The following FMN2 variants were observed in gnomAD, a reference collection of about 807,000 sequenced individuals.
FMN2 encodes the protein formin-2.
Under a neutral mutation model 142.3 loss-of-function variants are expected in FMN2, and 51 were observed. The ratio of observed to expected loss-of-function variants is 0.36; its 90% CI spans 0.29 to 0.45. FMN2 has a LOEUF of 0.45. Among genes scored for constraint, FMN2 ranks in the 20% least tolerant of loss-of-function variants. The probability of loss-of-function intolerance (pLI) is 1.00; values close to 1 mark genes in which losing one functional copy is unlikely to be tolerated. For missense variants in FMN2, 1,936 were observed against 2,122.8 expected (o/e 0.91, Z 1.73); for synonymous variants, 882 against 869.8 (o/e 1.01, Z -0.25).
chr1:240,427,298 T>C (rs570916494), intron 15 of FMN2, among the ~76,000 whole-genome samples: 15 of 151,800 alleles, frequency 9.9e-5, no homozygotes, highest in East Asian at 2.0e-4. Context: ...CTCCGCCTCC[T>C]GGGTTCACGC....
chr1:240,459,207 C>T (rs1204286022), intron 16 of FMN2: 1 of 152,088 alleles, frequency 6.6e-6, no homozygotes, highest in East Asian at 1.9e-4. Context: ...TATTAAACTC[C>T]TTGTGGAAGA....
intron 16 of FMN2, among the ~76,000 whole-genome samples, chr1:240,470,046 A>C (rs1676756970): frequency 6.6e-6 from 1 of 152,200 alleles, no homozygotes; most frequent in South Asian, 2.1e-4. Flanking sequence ...TGATCCTTAC[A>C]AAAATGTGTT....
chr1:240,252,368 A>T (rs888983586), intron 6 of FMN2, among the ~76,000 whole-genome samples: 4 of 151,886 alleles, frequency 2.6e-5, no homozygotes, highest in Non-Finnish European at 4.4e-5. Context: ...ATACTTTTGC[A>T]TGCTTTCATG....
At chr1:240,421,393 A>G (rs12127799) in intron 15 of FMN2, among the ~76,000 whole-genome samples, 84,017 of 152,006 alleles carry the variant, frequency 0.55, 24,731 homozygotes, top group Middle Eastern at 0.66. Context: ...ACACGTTCAA[A>G]TTACCTAATT....
At chr1:240,357,950 CT>C (rs33954136) in intron 14 of FMN2, among the ~76,000 whole-genome samples, 76,138 of 151,624 alleles carry the variant, frequency 0.5, 20,204 homozygotes, top group African/African-American at 0.68. Context: ...CAGATATTAA[CT>C]TTTTTTTTAA....
chr1:240,114,879 A>T (rs951024016), intron 1 of FMN2, among the ~76,000 whole-genome samples: 2 of 152,000 alleles, frequency 1.3e-5, no homozygotes, highest in African/African-American at 4.8e-5. Flanking sequence ...GATGGTCTCG[A>T]TCTCTTGACC....
At chr1:240,361,706 T>A (rs1436164405) in intron 14 of FMN2, among the ~76,000 whole-genome samples, 2 of 152,210 alleles carry the variant, frequency 1.3e-5, no homozygotes, top group Non-Finnish European at 2.9e-5. Context: ...CAAGTGGGCA[T>A]GCCCAGTGGA....
chr1:240,157,794 A>T (rs11807389), intron 2 of FMN2, among the ~76,000 whole-genome samples: 6,766 of 152,034 alleles, frequency 0.045, 503 homozygotes, highest in African/African-American at 0.16. Context: ...TCAAAATTAG[A>T]TACTTTTTTT....
intron 1 of FMN2, among the ~76,000 whole-genome samples, chr1:240,121,779 A>G (rs1425484243): frequency 7.2e-6 from 1 of 139,548 alleles, no homozygotes; most frequent in Non-Finnish European, 1.5e-5. Flanking sequence ...CCTTAAGTTC[A>G]GACCTATGCT....
chr1:240,326,385 C>A (rs1299037974), intron 8 of FMN2, among the ~76,000 whole-genome samples: 2 of 152,166 alleles, frequency 1.3e-5, no homozygotes, highest in Non-Finnish European at 2.9e-5. Context: ...ATTAGTAATT[C>A]ATATGTGCTG....
chr1:240,277,363 C>A (rs939599944), intron 7 of FMN2, among the ~76,000 whole-genome samples: 2 of 150,590 alleles, frequency 1.3e-5, no homozygotes, highest in Non-Finnish European at 2.9e-5. Flanking sequence ...CGTTTAAGAC[C>A]AGCAGGTCTA....
intron 8 of FMN2, among the ~76,000 whole-genome samples, chr1:240,299,886 A>T (rs888487154): frequency 1.3e-5 from 2 of 152,154 alleles, no homozygotes; most frequent in South Asian, 2.1e-4. Flanking sequence ...CCATGTTTTC[A>T]GTTGCTAATA....
At chr1:240,105,603 T>G (rs1661577605) in intron 1 of FMN2, among the ~76,000 whole-genome samples, 1 of 152,186 alleles carries the variant, frequency 6.6e-6, no homozygotes, top group Non-Finnish European at 1.5e-5. Context: ...TAATAGAGTT[T>G]AGACTTTTCT....
chr1:240,111,569 G>T (rs2103195482), intron 1 of FMN2, among the ~76,000 whole-genome samples: 1 of 152,200 alleles, frequency 6.6e-6, no homozygotes, highest in Admixed American at 6.5e-5. Flanking sequence ...TGTAACATGA[G>T]GATGACCAGA....
chr1:240,198,106 C>T (rs1446907262), intron 4 of FMN2, among the ~76,000 whole-genome samples: 1 of 152,298 alleles, frequency 6.6e-6, no homozygotes. Flanking sequence ...GAAAGTGAAG[C>T]TGGAATAAAA....
chr1:240,138,150 C>G (rs925750430), intron 2 of FMN2, among the ~76,000 whole-genome samples: 1 of 150,596 alleles, frequency 6.6e-6, no homozygotes. Context: ...CTGGAAGAAA[C>G]GTTTAAGAAG....
intron 4 of FMN2, 52 bp downstream of exon 4, chr1:240,188,314 A>C: frequency 6.4e-7 from 1 of 1,571,670 alleles, no homozygotes; most frequent in Non-Finnish European, 8.7e-7. Context: ...ATTTGTCTTA[A>C]GATTGTGACA....
chr1:240,193,438 G>A (rs1665792459), intron 4 of FMN2, among the ~76,000 whole-genome samples: 1 of 152,220 alleles, frequency 6.6e-6, no homozygotes, highest in Non-Finnish European at 1.5e-5. Flanking sequence ...AAAGGGTGAA[G>A]GTTGTTGAGA....
intron 14 of FMN2, among the ~76,000 whole-genome samples, chr1:240,388,693 C>G (rs1167837038): frequency 6.6e-6 from 1 of 151,960 alleles, no homozygotes; most frequent in Admixed American, 6.6e-5. Context: ...GAAACCCCAT[C>G]TCTACTAAAA....
Sources: allele counts gnomAD v4.1 joint callset (sites outside exome capture counted in the v4.1 genomes callset), GRCh38; gene constraint gnomAD v4.1.1; transcripts MANE v1.5; gene names NCBI Gene and HGNC (gene_info 2026-07-23, HGNC 2026-07-21).